The following SV2C variants were observed in gnomAD, a reference collection of about 807,000 sequenced individuals.
SV2C encodes the protein solute carrier family 22 member B3.
SV2C carries 49 observed loss-of-function variants against 79.7 expected under a neutral mutation model. The ratio of observed to expected loss-of-function variants is 0.61; its 90% CI spans 0.49 to 0.78. The LOEUF is 0.78. Ranked by LOEUF, SV2C falls within the 30% of genes least tolerant of loss-of-function variation. SV2C has a pLI of 0.00. For missense variants in SV2C, 833 were observed against 912.9 expected, an observed-to-expected ratio of 0.91 and a Z score of 1.13; for synonymous variants, 334 against 333.2, an observed-to-expected ratio of 1.00 and a Z score of -0.03.
chr5:76,032,140 G>T, the SV2C span, among the ~76,000 whole-genome samples: 1 of 152,076 alleles, frequency 6.6e-6, no homozygotes, highest in Admixed American at 6.5e-5. Context: ...AATATTCAAA[G>T]AACAGAGTTA....
chr5:75,934,431 C>T, the SV2C span, among the ~76,000 whole-genome samples: 10 of 150,118 alleles, frequency 6.7e-5, no homozygotes, highest in Admixed American at 3.3e-4. Flanking sequence ...GGATTATAGG[C>T]GCACACCACC....
intron 1 of SV2C, among the ~76,000 whole-genome samples, chr5:76,125,890 T>C (rs776995461): frequency 4.6e-5 from 7 of 152,040 alleles, no homozygotes; most frequent in African/African-American, 7.2e-5. Flanking sequence ...AGACTTCATC[T>C]CTACAAAAAA....
At chr5:75,998,621 TGTGA>T in the SV2C span, among the ~76,000 whole-genome samples, 1 of 151,398 alleles carries the variant, frequency 6.6e-6, no homozygotes, top group Non-Finnish European at 1.5e-5. Flanking sequence ...TGTGTGTATG[TGTGA>T]GTGTGTATGT....
At chr5:75,898,704 C>T in the SV2C span, among the ~76,000 whole-genome samples, 5 of 151,992 alleles carry the variant, frequency 3.3e-5, no homozygotes, top group African/African-American at 1.2e-4. Flanking sequence ...GTCCTGGACT[C>T]TTTTTGGTTG....
At chr5:76,077,186 A>C in the SV2C span, among the ~76,000 whole-genome samples, 2 of 152,158 alleles carry the variant, frequency 1.3e-5, no homozygotes, top group African/African-American at 4.8e-5. Flanking sequence ...TTAAAAAAAA[A>C]CAAAACCTGC....
the SV2C span, among the ~76,000 whole-genome samples, chr5:76,030,082 A>C: frequency 6.6e-6 from 1 of 152,122 alleles, no homozygotes; most frequent in African/African-American, 2.4e-5. Flanking sequence ...CTTTAAATAG[A>C]AGGATTTTAA....
chr5:76,307,962 T>G (rs34229670), intron 12 of SV2C, among the ~76,000 whole-genome samples: 4,866 of 152,354 alleles, frequency 0.032, 112 homozygotes, highest in Middle Eastern at 0.092. Flanking sequence ...CATTGAAGCC[T>G]TATTATGGCT....
At chr5:76,177,267 C>G (rs1743568423) in intron 2 of SV2C, among the ~76,000 whole-genome samples, 1 of 150,084 alleles carries the variant, frequency 6.7e-6, no homozygotes, top group South Asian at 2.1e-4. Context: ...TTCTTATAGT[C>G]TGGGTATCCC....
At chr5:76,178,380 A>G (rs539929334) in intron 2 of SV2C, among the ~76,000 whole-genome samples, 1 of 152,288 alleles carries the variant, frequency 6.6e-6, no homozygotes, top group Admixed American at 6.5e-5. Context: ...GTTAGAGTAA[A>G]TTTCTTTTCT....
At chr5:76,177,901 A>G (rs1348528247) in intron 2 of SV2C, among the ~76,000 whole-genome samples, 1 of 152,176 alleles carries the variant, frequency 6.6e-6, no homozygotes, top group Non-Finnish European at 1.5e-5. Context: ...AGTTCCTCTT[A>G]GATATTTATG....
intron 2 of SV2C, among the ~76,000 whole-genome samples, chr5:76,143,591 C>T (rs1749330306): frequency 6.6e-6 from 1 of 152,172 alleles, no homozygotes; most frequent in Non-Finnish European, 1.5e-5. Context: ...CATATTTCTA[C>T]CTGACCCCCA....
At chr5:76,223,763 T>C (rs1030542561) in intron 4 of SV2C, among the ~76,000 whole-genome samples, 3 of 152,024 alleles carry the variant, frequency 2.0e-5, no homozygotes, top group Non-Finnish European at 2.9e-5. Context: ...CCTGTCTTAA[T>C]CTGCTCAGGC....
the SV2C span, among the ~76,000 whole-genome samples, chr5:76,043,335 A>T: frequency 6.6e-6 from 1 of 152,148 alleles, no homozygotes; most frequent in African/African-American, 2.4e-5. Flanking sequence ...TGGGTATATC[A>T]CTTCCAAGGT....
the SV2C span, among the ~76,000 whole-genome samples, chr5:75,924,071 T>C: frequency 2.0e-4 from 31 of 152,312 alleles, no homozygotes; most frequent in African/African-American, 6.7e-4. Flanking sequence ...AGAATACTAC[T>C]CAGCAATAAA....
At chr5:76,272,714 T>C (rs923153498) in intron 4 of SV2C, among the ~76,000 whole-genome samples, 1 of 152,198 alleles carries the variant, frequency 6.6e-6, no homozygotes, top group Admixed American at 6.5e-5. Flanking sequence ...GATCTTAGAA[T>C]CAGAGAGAAC....
the SV2C span, among the ~76,000 whole-genome samples, chr5:75,877,837 T>C: frequency 6.6e-6 from 1 of 152,046 alleles, no homozygotes; most frequent in Admixed American, 6.6e-5. Flanking sequence ...TCAGCTTCTG[T>C]TATTTTTTGA....
intron 3 of SV2C, among the ~76,000 whole-genome samples, chr5:76,196,120 AG>A (rs1356978244): frequency 6.6e-6 from 1 of 152,240 alleles, no homozygotes; most frequent in East Asian, 1.9e-4. Flanking sequence ...CCTACAAAGC[AG>A]AACACAGTTT....
intron 4 of SV2C, among the ~76,000 whole-genome samples, chr5:76,243,805 T>C (rs964208071): frequency 6.6e-6 from 1 of 152,254 alleles, no homozygotes; most frequent in African/African-American, 2.4e-5. Flanking sequence ...CGGGCCCTCC[T>C]TGGGTGTGCC....
chr5:76,203,430 A>G (rs1429905008), intron 3 of SV2C, among the ~76,000 whole-genome samples: 1 of 152,228 alleles, frequency 6.6e-6, no homozygotes, highest in Non-Finnish European at 1.5e-5. Flanking sequence ...TTAATTATAG[A>G]ACATCATAAT....
Sources: allele counts gnomAD v4.1 joint callset (sites outside exome capture counted in the v4.1 genomes callset), GRCh38; gene constraint gnomAD v4.1.1; transcripts MANE v1.5; gene names NCBI Gene and HGNC (gene_info 2026-07-23, HGNC 2026-07-21).